The following DNAH3 variants were observed in gnomAD, a reference collection of about 807,000 sequenced individuals.
The protein encoded by DNAH3 is dynein axonemal heavy chain 3, also known as axonemal beta dynein heavy chain 3.
A neutral mutation model predicts 432.5 loss-of-function variants in DNAH3; 332 were observed. The observed-to-expected ratio is 0.77, with a 90% CI of 0.70 to 0.84. The LOEUF (loss-of-function observed/expected upper bound fraction) is 0.84, where lower values mean the gene tolerates loss of function less well. Among genes scored for constraint, DNAH3 ranks in the 40% least tolerant of loss-of-function variants. The pLI, the probability that DNAH3 is intolerant of heterozygous loss-of-function variation, is 0.00. For missense variants in DNAH3, 4,861 were observed against 5,114.0 expected, an observed-to-expected ratio of 0.95 and a Z score of 1.51; for synonymous variants, 1,956 against 1,900.2, an observed-to-expected ratio of 1.03 and a Z score of -0.76.
At chr16:21,091,113 A>T (rs1003954207) in intron 18 of DNAH3, among the ~76,000 whole-genome samples, 2 of 152,152 alleles carry the variant, frequency 1.3e-5, no homozygotes, top group Non-Finnish European at 1.5e-5. Context: ...AGGTTACGTC[A>T]CTGTGGTCCA....
chr16:20,965,192 C>T lies in DNAH3; in HGVS notation c.8692G>A (p.Ala2898Thr), dbSNP rs767596353. The T allele has an allele frequency of 5.0e-6, 8 of 1,614,068 alleles. No homozygotes were observed. The highest frequency in any genetic ancestry group is 6.8e-6 in the Non-Finnish European group (8 of 1,180,030). Residue 2898 changes from alanine (A) to threonine (T), a missense_variant, in exon 53 of 62, where the codon GCC becomes ACC. Ala to Thr is a moderately conservative substitution (Grantham distance 58). Transcript: ENST00000261383. ...TCCCGTTTGGGAGCCACCACCTTGG[C>T]CACGCGATCGTACACCTCCATGGCC...
intron 52 of DNAH3, 59 bp from the exon 53 acceptor site, chr16:20,965,484 T>G: frequency 7.2e-7 from 1 of 1,391,246 alleles, no homozygotes; most frequent in Non-Finnish European, 9.6e-7. Context: ...GACTTAAAAT[T>G]CTGCAGTGGT....
chr16:20,960,515 A>G lies in DNAH3; in HGVS notation c.10601-1111T>C, dbSNP rs376344884. Among the ~76,000 whole-genome samples, 175 of 152,284 alleles carry G rather than the reference A, an allele frequency of 1.1e-3. 6 individuals carry two copies. The South Asian group carries it at 0.036, about 31-fold the overall frequency. On this transcript the variant is annotated intron_variant, in intron 53 of 61. Transcript: ENST00000261383. ...AGCATGGCCAACATGGTGAAACCCC[A>G]TCTCTACTAAAAATACAAAAATTAG...
At chr16:20,997,485 C>G in intron 43 of DNAH3, 23 bp from the exon 44 acceptor site, 1 of 1,610,396 alleles carries the variant, frequency 6.2e-7, no homozygotes, top group Non-Finnish European at 8.5e-7. Context: ...ACCACAGATA[C>G]AGCCATTGCA....
chr16:21,115,971 G>A (rs1811177473), intron 12 of DNAH3, among the ~76,000 whole-genome samples: 1 of 151,948 alleles, frequency 6.6e-6, no homozygotes, highest in South Asian at 2.1e-4. Flanking sequence ...CACAACCAGG[G>A]GATTCCTGCC....
chr16:20,973,882 A>G (rs758768559), intron 51 of DNAH3, among the ~76,000 whole-genome samples: 1 of 152,218 alleles, frequency 6.6e-6, no homozygotes, highest in African/African-American at 2.4e-5. Context: ...CATTCTGTGT[A>G]GAGGGAACAG....
intron 38 of DNAH3, among the ~76,000 whole-genome samples, chr16:21,024,951 G>A (rs2088464737): frequency 6.6e-6 from 1 of 152,152 alleles, no homozygotes; most frequent in Non-Finnish European, 1.5e-5. Context: ...TGGAGACAGT[G>A]TCTTGCTCTG....
rs564077945 is a variant in DNAH3 at position 20,976,887 on chromosome 16, G to A, written c.8077-1472C>T. ...TTGATCTTGAACTTCCCAGCCTCCA[G>A]AACTATGAGAAGTAAACGTTTGTTG... is the stretch of plus-strand genomic sequence containing the variant. On this transcript the variant is annotated intron_variant, in intron 50 of 61. Transcript: ENST00000261383. Among the ~76,000 whole-genome samples the A allele has an allele frequency of 1.2e-4, 18 of 152,336 alleles. 1 individual carries two copies. The highest frequency in any genetic ancestry group is 4.3e-4 in the African/African-American group (18 of 41,576).
At chr16:21,096,671 TTTG>T (rs781123062) in intron 18 of DNAH3, among the ~76,000 whole-genome samples, 2 of 152,132 alleles carry the variant, frequency 1.3e-5, no homozygotes, top group Non-Finnish European at 2.9e-5. Context: ...TTTGTTTTGT[TTTG>T]TTTTTTTCCC....
intron 31 of DNAH3, among the ~76,000 whole-genome samples, chr16:21,047,971 T>C (rs2089781179): frequency 6.6e-6 from 1 of 152,044 alleles, no homozygotes; most frequent in Admixed American, 6.6e-5. Flanking sequence ...GGGGGGTGCC[T>C]CCCAGTTAGG....
rs1432702802 is a variant in DNAH3, at chr16:20,965,207, C to T, written c.8677G>A (p.Val2893Met). 1 of 1,613,966 alleles carries T rather than the reference C, an allele frequency of 6.2e-7. No homozygotes were observed. The highest frequency in any genetic ancestry group is 8.5e-7 in the Non-Finnish European group (1 of 1,180,042). Residue 2893 changes from valine to methionine, a missense_variant, in exon 53 of 62, where the codon GTG becomes ATG. By Grantham distance (21) the Val-to-Met change is conservative (BLOSUM62 1). Coordinates refer to ENST00000261383, the Ensembl canonical transcript of DNAH3. The stretch of plus-strand genomic sequence containing the variant: ...ACCACCTTGGCCACGCGATCGTACA[C>T]CTCCATGGCCCTCACCCACTTGCAC...
Position 21,069,401 on chromosome 16 carries a change from G to C in DNAH3, c.3381+14C>G. 6.2e-7 allele frequency: 1 copy of C among 1,608,332 alleles called. No homozygotes were observed. Among genetic ancestry groups the C allele is most frequent in the Non-Finnish European group, 8.5e-7 (1 of 1,175,918 alleles). On this transcript the variant is annotated intron_variant, in intron 23 of 61. Transcript: ENST00000261383. ...ATTTCTGCTGGTAAGAGTTATTAGGGTATAAAAACTTACCGCTTGGGACAT... is the reference window on the plus strand; with the variant it reads ...ATTTCTGCTGGTAAGAGTTATTAGGCTATAAAAACTTACCGCTTGGGACAT...
At chr16:20,959,648 CACACACA>C (rs1239161729) in intron 53 of DNAH3, among the ~76,000 whole-genome samples, 9 of 150,962 alleles carry the variant, frequency 6.0e-5, no homozygotes, top group Middle Eastern at 3.4e-3. Flanking sequence ...CACACACACA[CACACACA>C]CCCCAACACA....
chr16:20,977,139 C>CCT (rs1259237238), intron 50 of DNAH3, among the ~76,000 whole-genome samples: 8 of 152,238 alleles, frequency 5.3e-5, no homozygotes, highest in African/African-American at 1.9e-4. Flanking sequence ...CTTTGGGAGG[C>CCT]TGAGGTGGGC....
intron 36 of DNAH3, among the ~76,000 whole-genome samples, chr16:21,032,270 G>T (rs997522723): frequency 6.6e-6 from 1 of 152,114 alleles, no homozygotes; most frequent in African/African-American, 2.4e-5. Flanking sequence ...CAGGTAAAAA[G>T]GTTCTGAAAA....
chr16:20,990,079 A>G (rs935074495), intron 44 of DNAH3, among the ~76,000 whole-genome samples: 2 of 152,196 alleles, frequency 1.3e-5, no homozygotes, highest in Non-Finnish European at 2.9e-5. Flanking sequence ...CAGCCCAGAA[A>G]GGGGCTCCCA....
intron 28 of DNAH3, among the ~76,000 whole-genome samples, chr16:21,052,576 C>T (rs1245928657): frequency 6.6e-6 from 1 of 152,134 alleles, no homozygotes; most frequent in African/African-American, 2.4e-5. Context: ...TAACATAGTA[C>T]CTACATTATA....
chr16:21,006,399 A>G (rs1463832226), intron 41 of DNAH3, among the ~76,000 whole-genome samples: 1 of 152,206 alleles, frequency 6.6e-6, no homozygotes, highest in East Asian at 1.9e-4. Flanking sequence ...CAAGTGTACA[A>G]TTCAGTTGTA....
chr16:20,998,900 C>T (rs2086890514), intron 43 of DNAH3, among the ~76,000 whole-genome samples: 1 of 152,026 alleles, frequency 6.6e-6, no homozygotes, highest in East Asian at 1.9e-4. Flanking sequence ...AGTATTAACT[C>T]TATGTTAAAG....
Sources: gnomAD v4.1 joint callset for allele counts (sites outside exome capture counted in the v4.1 genomes callset) on GRCh38, gnomAD v4.1.1 for gene constraint, MANE v1.5 for transcripts, NCBI Gene and HGNC (gene_info 2026-07-23, HGNC 2026-07-21) for gene names.